Variants in DENND1A observed in about 807,000 individuals in gnomAD.
The protein encoded by DENND1A is DENN domain containing 1A.
DENND1A carries 51 observed loss-of-function variants against 113.7 expected under a neutral mutation model. The ratio of observed to expected loss-of-function variants is 0.45; its 90% confidence interval spans 0.36 to 0.57. The LOEUF (loss-of-function observed/expected upper bound fraction) is 0.57, where lower values mean the gene tolerates loss of function less well. Ranked by LOEUF, DENND1A falls within the 20% of genes least tolerant of loss-of-function variation. The pLI is 0.00. For missense variants in DENND1A, 1,258 were observed against 1,395.9 expected, an observed-to-expected ratio of 0.90 and a Z score of 1.57; for synonymous variants, 565 against 570.8, an observed-to-expected ratio of 0.99 and a Z score of 0.14.
At chr9:123,794,457 A>G (rs1354859642) in intron 2 of DENND1A, among the ~76,000 whole-genome samples, 1 of 152,206 alleles carries the variant, frequency 6.6e-6, no homozygotes, top group African/African-American at 2.4e-5. Flanking sequence ...TTTTTCTTCC[A>G]ATTGACATGT....
At chr9:123,399,019 C>T (rs1262311692) in intron 21 of DENND1A, among the ~76,000 whole-genome samples, 2 of 151,670 alleles carry the variant, frequency 1.3e-5, no homozygotes, top group East Asian at 3.9e-4. Context: ...TGGTCTTGAA[C>T]TCCTGACCTC....
chr9:123,658,103 A>G (rs1424717628), intron 8 of DENND1A, among the ~76,000 whole-genome samples: 3 of 152,210 alleles, frequency 2.0e-5, no homozygotes, highest in African/African-American at 7.2e-5. Flanking sequence ...AATCTTTTCT[A>G]TATCATGGCG....
intron 13 of DENND1A, among the ~76,000 whole-genome samples, chr9:123,536,757 G>A (rs567503300): frequency 7.3e-5 from 11 of 149,742 alleles, no homozygotes; most frequent in East Asian, 3.9e-4. Context: ...GGACAGATAC[G>A]AGAGAGAGAG....
rs751205199 is a variant in DENND1A at position 123,381,841 on chromosome 9, C to A, written c.2804G>T (p.Ser935Ile). The change falls in exon 24 of 24, where the codon AGT (serine) becomes ATT (isoleucine). Residue 935 changes from serine to isoleucine, a missense_variant. Around this residue, in one of 2 missense-constraint regions of DENND1A, gnomAD observed 1,159 missense variants for 1,231.7 expected, o/e 0.94. Coordinates refer to ENST00000394215, the MANE Select transcript of DENND1A (RefSeq NM_001352964.2). This position sits in a 1 kb window ranked among gnomAD's most constrained non-coding sequence, Gnocchi z 4.7. ...CCTGTGAGGGGCACAGAAGCCAGCA[C>A]TGGACAGCAGGAGGCCGGACGCAAA... ...PAFASGLLLS[S>I]AGFCAPHRSQ... 6.7e-6 allele frequency: 10 copies of A among 1,487,878 alleles called. No individual in the cohort carries two copies. The highest frequency in any genetic ancestry group is 5.0e-5 in the East Asian group (2 of 39,902). 92.2% of individuals were successfully genotyped at this position (1,487,878 alleles called of 1,614,324 possible).
intron 13 of DENND1A, among the ~76,000 whole-genome samples, chr9:123,548,814 G>A (rs1278631864): frequency 6.6e-6 from 1 of 152,192 alleles, no homozygotes; most frequent in African/African-American, 2.4e-5. Flanking sequence ...GCCAGGCAAA[G>A]GGACAAATAT....
At chr9:123,843,472 C>A in intron 2 of DENND1A, 1 of 297,616 alleles carries the variant, frequency 3.4e-6, no homozygotes, top group South Asian at 3.4e-5. Flanking sequence ...GGTGTTACAG[C>A]CATTTGGGAG....
chr9:123,648,227 G>A (rs1208429797), intron 9 of DENND1A, among the ~76,000 whole-genome samples: 4 of 152,082 alleles, frequency 2.6e-5, no homozygotes, highest in Non-Finnish European at 4.4e-5. Flanking sequence ...GTACAGGCGC[G>A]TTCTACCACG....
intron 3 of DENND1A, among the ~76,000 whole-genome samples, chr9:123,771,627 G>C (rs1026334219): frequency 3.3e-5 from 5 of 152,138 alleles, no homozygotes; most frequent in African/African-American, 9.7e-5. Context: ...CCTTGGCTAC[G>C]AGAAGGCATT....
intron 13 of DENND1A, among the ~76,000 whole-genome samples, chr9:123,527,921 C>A (rs1420746532): frequency 6.6e-6 from 1 of 152,198 alleles, no homozygotes; most frequent in East Asian, 1.9e-4. Flanking sequence ...AGAATCTGTT[C>A]CTCATCTGTA....
chr9:123,564,963 A>G (rs1228920841), intron 12 of DENND1A, among the ~76,000 whole-genome samples: 1 of 147,982 alleles, frequency 6.8e-6, no homozygotes, highest in Non-Finnish European at 1.5e-5. Flanking sequence ...CAAGAATCCA[A>G]TTAATGTCTG....
chr9:123,470,364 G>GGGGTTGCCTCACTCA (rs149462858), intron 13 of DENND1A, among the ~76,000 whole-genome samples: 1 of 151,182 alleles, frequency 6.6e-6, no homozygotes, highest in African/African-American at 2.4e-5. Flanking sequence ...CACGTGGCCA[G>GGGGTTGCCTCACTCA]CGCCAGGGGT....
At chr9:123,568,790 C>T (rs1564735374) in intron 12 of DENND1A, among the ~76,000 whole-genome samples, 1 of 152,104 alleles carries the variant, frequency 6.6e-6, no homozygotes, top group East Asian at 1.9e-4. Context: ...TCTCCACCTC[C>T]TCAGGGGAGG....
intron 10 of DENND1A, among the ~76,000 whole-genome samples, chr9:123,627,825 C>A (rs1277119792): frequency 1.3e-5 from 2 of 151,366 alleles, no homozygotes; most frequent in Non-Finnish European, 2.9e-5. Flanking sequence ...AGCAAGGAGG[C>A]CAGCAGGAAA....
At chr9:123,910,200 A>C (rs2134010795) in intron 1 of DENND1A, among the ~76,000 whole-genome samples, 1 of 152,340 alleles carries the variant, frequency 6.6e-6, no homozygotes, top group Middle Eastern at 3.4e-3. Flanking sequence ...AGTCCCAAAC[A>C]ATCTGAATAA....
intron 13 of DENND1A, among the ~76,000 whole-genome samples, chr9:123,497,133 C>T (rs554993326): frequency 6.6e-6 from 1 of 152,320 alleles, no homozygotes; most frequent in Admixed American, 6.5e-5. Context: ...TCCACAGTCC[C>T]CATCAGGGCA....
intron 19 of DENND1A, among the ~76,000 whole-genome samples, chr9:123,418,960 G>A (rs2044990961): frequency 6.6e-6 from 1 of 152,274 alleles, no homozygotes; most frequent in South Asian, 2.1e-4. Flanking sequence ...AGTCCCCAGT[G>A]AAGGGGACAT....
chr9:123,639,138 C>T (rs2061887248), intron 9 of DENND1A, among the ~76,000 whole-genome samples: 1 of 148,392 alleles, frequency 6.7e-6, no homozygotes, highest in African/African-American at 2.5e-5. Flanking sequence ...GCAAATTTAA[C>T]CTTAGAAAGT....
At chr9:123,840,846 G>A (rs989137173) in intron 2 of DENND1A, among the ~76,000 whole-genome samples, 5 of 152,112 alleles carry the variant, frequency 3.3e-5, no homozygotes, top group African/African-American at 1.2e-4. Flanking sequence ...TTTATCATGT[G>A]AAGTGCCTAC....
intron 3 of DENND1A, among the ~76,000 whole-genome samples, chr9:123,782,528 AG>A (rs1392389566): frequency 6.6e-6 from 1 of 152,230 alleles, no homozygotes; most frequent in Non-Finnish European, 1.5e-5. Flanking sequence ...GTTAGTTACC[AG>A]GTCCTAGAGA....
Sources: gnomAD v4.1 joint callset for allele counts (sites outside exome capture counted in the v4.1 genomes callset) on GRCh38, gnomAD v4.1.1 for gene constraint, gnomAD v4.1.1 regional missense constraint, Gnocchi (gnomAD v3.1) non-coding constraint, MANE v1.5 for transcripts, NCBI Gene and HGNC (gene_info 2026-07-23, HGNC 2026-07-21) for gene names.